UBE2E2: variants seen among roughly 807,000 people sequenced by gnomAD.
The protein encoded by UBE2E2 is ubiquitin-conjugating enzyme E2 E2.
Under a neutral mutation model 24.7 loss-of-function variants are expected in UBE2E2, and 6 were observed. The observed-to-expected ratio is 0.24, with a 90% CI of 0.13 to 0.48. UBE2E2 has a LOEUF of 0.48. UBE2E2 is among the 20% of genes least tolerant of loss of function. The probability of loss-of-function intolerance (pLI) is 0.99; values close to 1 mark genes in which losing one functional copy is unlikely to be tolerated. For synonymous variants in UBE2E2, 104 were observed against 83.6 expected (o/e 1.24, Z -1.33); for missense variants, 169 against 245.0 (o/e 0.69, Z 2.07).
chr3:23,505,758 A>G (rs956028673), intron 4 of UBE2E2, among the ~76,000 whole-genome samples: 34 of 152,328 alleles, frequency 2.2e-4, no homozygotes, highest in African/African-American at 8.2e-4. Context: ...AAGTCTAACT[A>G]TGGGTTGCTT....
intron 3 of UBE2E2, among the ~76,000 whole-genome samples, chr3:23,261,757 G>A (rs977842449): frequency 1.3e-5 from 2 of 152,038 alleles, no homozygotes; most frequent in African/African-American, 2.4e-5. Context: ...AGCATAATGC[G>A]CTTCAGAATC....
At chr3:23,292,510 G>T (rs1698796274) in intron 3 of UBE2E2, among the ~76,000 whole-genome samples, 1 of 151,972 alleles carries the variant, frequency 6.6e-6, no homozygotes, top group Non-Finnish European at 1.5e-5. Context: ...CTCTCTACTA[G>T]CCTAGATCAC....
At chr3:23,360,409 A>G (rs1475114434) in intron 3 of UBE2E2, among the ~76,000 whole-genome samples, 1 of 152,220 alleles carries the variant, frequency 6.6e-6, no homozygotes. Context: ...CTGTGGATAC[A>G]AAGATGAATA....
At chr3:23,291,413 T>C (rs1698761618) in intron 3 of UBE2E2, among the ~76,000 whole-genome samples, 1 of 152,322 alleles carries the variant, frequency 6.6e-6, no homozygotes, top group South Asian at 2.1e-4. Context: ...TTTATCTGTC[T>C]TTTCACATGT....
intron 5 of UBE2E2, among the ~76,000 whole-genome samples, chr3:23,578,535 T>A (rs1227981497): frequency 1.3e-5 from 2 of 152,128 alleles, no homozygotes; most frequent in Non-Finnish European, 2.9e-5. Context: ...ACCCAAATGC[T>A]CATCAATTAT....
In UBE2E2 at chr3:23,265,106, C is replaced by T. The variant is rs1447620367; in HGVS notation, c.227+47794C>T. Among the ~76,000 whole-genome samples the T allele has an allele frequency of 2.0e-5, 3 of 152,156 alleles. No individual in the cohort carries two copies. In the East Asian group the frequency reaches 5.8e-4, roughly 29 times the overall value. ...ATTGCAAAGGGAAGAAGGAAAGGAC[C>T]AGATGTGGGAGGAGGATTTTTGTTT... On this transcript the variant is annotated intron_variant, in intron 3 of 5. Coordinates refer to ENST00000396703, the MANE Select transcript of UBE2E2 (RefSeq NM_152653.4).
intron 3 of UBE2E2, among the ~76,000 whole-genome samples, chr3:23,290,299 C>A (rs1698729519): frequency 6.6e-6 from 1 of 152,162 alleles, no homozygotes; most frequent in Non-Finnish European, 1.5e-5. Context: ...GGTGACGCTG[C>A]AAAGGGTCCA....
At chr3:23,222,532 A>AG (rs1696683244) in intron 3 of UBE2E2, among the ~76,000 whole-genome samples, 1 of 152,068 alleles carries the variant, frequency 6.6e-6, no homozygotes, top group Admixed American at 6.6e-5. Flanking sequence ...TGGTTTTATA[A>AG]GGGGAAACCC....
At chr3:23,377,641 T>C (rs891788525) in intron 3 of UBE2E2, among the ~76,000 whole-genome samples, 1 of 152,220 alleles carries the variant, frequency 6.6e-6, no homozygotes, top group African/African-American at 2.4e-5. Context: ...GTAGAGCTCA[T>C]GCTCTGGAAT....
In UBE2E2 at chr3:23,258,900, GAAA is replaced by G. The variant is rs11333992; in HGVS notation, c.227+41610_227+41612del. On this transcript the variant is annotated intron_variant, in intron 3 of 5. Transcript: ENST00000396703. ...AGAGAGAGACTCTGTCTCAAAAAAA[GAAA>G]AAAAAAAAAAAAAAAAAAAAAGATT... Among the ~76,000 whole-genome samples, 646 of 78,934 alleles carry G rather than the reference GAAA, an allele frequency of 8.2e-3. 2 individuals are homozygous for G. Among genetic ancestry groups the G allele is most frequent in the African/African-American group, 0.025 (563 of 22,572 alleles). The allele number at this position is 78,934 out of a possible 152,430, so 51.8% of individuals were successfully genotyped here.
intron 3 of UBE2E2, among the ~76,000 whole-genome samples, chr3:23,446,803 TCTC>T (rs1698443385): frequency 6.6e-6 from 1 of 151,746 alleles, no homozygotes. Context: ...ATAGTGCTCT[TCTC>T]TGTAGTTCCC....
chr3:23,262,969 T>C (rs1697943408), intron 3 of UBE2E2, among the ~76,000 whole-genome samples: 1 of 152,206 alleles, frequency 6.6e-6, no homozygotes, highest in African/African-American at 2.4e-5. Flanking sequence ...TTCTGGAATT[T>C]TGCCAGCTTG....
chr3:23,295,454 G>T (rs145011683), intron 3 of UBE2E2, among the ~76,000 whole-genome samples: 2 of 152,132 alleles, frequency 1.3e-5, no homozygotes, highest in African/African-American at 4.8e-5. Context: ...GTCCAGGTGG[G>T]TACACAATTA....
rs1458075721 is a variant in UBE2E2 at position 23,471,056 on chromosome 3, C to A, written c.228-28552C>A. Among the ~76,000 whole-genome samples, 5 of 152,108 alleles carry A rather than the reference C, an allele frequency of 3.3e-5. No homozygotes were observed. In the East Asian group the frequency reaches 9.6e-4, roughly 29 times the overall value. On this transcript the variant is annotated intron_variant, in intron 3 of 5. Transcript: ENST00000396703. ...TTGAAGTGGGGTAAAGAAAGAAAAA[C>A]AGAAGTCCACATATACACACAGACA... is the stretch of plus-strand genomic sequence containing the variant.
intron 5 of UBE2E2, among the ~76,000 whole-genome samples, chr3:23,549,536 CT>C (rs1341203246): frequency 6.6e-6 from 1 of 152,132 alleles, no homozygotes; most frequent in Admixed American, 6.5e-5. Flanking sequence ...AGCTAGTGAC[CT>C]TGGATAAATC....
intron 3 of UBE2E2, among the ~76,000 whole-genome samples, chr3:23,368,432 A>G (rs561853146): frequency 2.0e-5 from 3 of 152,212 alleles, no homozygotes; most frequent in African/African-American, 4.8e-5. Flanking sequence ...GTGTCTTACA[A>G]GTTAAAAACA....
At chr3:23,488,339 A>G (rs1699423540) in intron 3 of UBE2E2, among the ~76,000 whole-genome samples, 1 of 151,904 alleles carries the variant, frequency 6.6e-6, no homozygotes, top group Non-Finnish European at 1.5e-5. Context: ...TATTTCTCCA[A>G]ATGTTATTCC....
At chr3:23,316,257 C>G (rs1006829569) in intron 3 of UBE2E2, among the ~76,000 whole-genome samples, 18 of 152,088 alleles carry the variant, frequency 1.2e-4, no homozygotes, top group African/African-American at 4.1e-4. Flanking sequence ...AGCGAGGGCC[C>G]GGAGGTGGAA....
chr3:23,221,072 C>A (rs1159012763), intron 3 of UBE2E2, among the ~76,000 whole-genome samples: 1 of 152,104 alleles, frequency 6.6e-6, no homozygotes, highest in Non-Finnish European at 1.5e-5. Flanking sequence ...GGTTTACGAG[C>A]AGGGGAATGA....
Sources: gnomAD v4.1 joint callset for allele counts (sites outside exome capture counted in the v4.1 genomes callset) on GRCh38, gnomAD v4.1.1 for gene constraint, MANE v1.5 for transcripts, NCBI Gene and HGNC (gene_info 2026-07-23, HGNC 2026-07-21) for gene names.